PKP4: variants seen among roughly 807,000 people sequenced by gnomAD.
PKP4 encodes the protein plakophilin-4.
A neutral mutation model predicts 145.1 loss-of-function variants in PKP4; 90 were observed. That is an observed-to-expected ratio of 0.62 (90% CI 0.52 to 0.74). PKP4 has a LOEUF of 0.74. Ranked by LOEUF, PKP4 falls within the 30% of genes least tolerant of loss-of-function variation. The pLI is 0.00. For synonymous variants in PKP4, 563 were observed against 577.2 expected, an observed-to-expected ratio of 0.98 and a Z score of 0.35; for missense variants, 1,340 against 1,482.7, an observed-to-expected ratio of 0.90 and a Z score of 1.58.
chr2:158,662,860 C>A lies in PKP4; in HGVS notation c.2212-37C>A, dbSNP rs774663464. The A allele has an allele frequency of 3.9e-6, 6 of 1,548,470 alleles. No homozygotes were observed. The East Asian group carries it at 1.1e-4, about 29-fold the overall frequency. On this transcript the variant is annotated intron_variant, in intron 13 of 21. Transcript: ENST00000389759. Reference sequence around the variant, plus strand: ...ACAGAAGTGTTTTGCTCTAATGTGCCGAGTTGTTTTTAATTATACGCCATG... The same window carrying A: ...ACAGAAGTGTTTTGCTCTAATGTGCAGAGTTGTTTTTAATTATACGCCATG...
At chr2:158,631,578 G>A (rs1203008714) in intron 7 of PKP4, among the ~76,000 whole-genome samples, 175 bp from the exon 8 acceptor site, 1 of 151,482 alleles carries the variant, frequency 6.6e-6, no homozygotes, top group Admixed American at 6.6e-5. Flanking sequence ...TTTTTGTAGA[G>A]ATGGGGTCTC....
chr2:158,604,126 G>T lies in PKP4; in HGVS notation c.280+1022G>T, dbSNP rs6712146. 6.2e-3 allele frequency among the ~76,000 whole-genome samples: 948 copies of T among 152,336 alleles called. 14 individuals carry two copies. Among genetic ancestry groups the T allele is most frequent in the African/African-American group, 0.022 (904 of 41,574 alleles). On this transcript the variant is annotated intron_variant, in intron 4 of 21. Coordinates refer to ENST00000389759, the MANE Select transcript of PKP4 (RefSeq NM_003628.6). ...GAAATAATATGTGGTTAACTGCCAA[G>T]TAAGTATTATGTGGGAAATACTGAT...
At chr2:158,543,323 A>G (rs2105669801) in intron 2 of PKP4, among the ~76,000 whole-genome samples, 1 of 152,292 alleles carries the variant, frequency 6.6e-6, no homozygotes. Flanking sequence ...AATGTGTTTT[A>G]GATATGCACA....
chr2:158,514,553 T>C (rs1353000747), intron 1 of PKP4, among the ~76,000 whole-genome samples: 1 of 152,228 alleles, frequency 6.6e-6, no homozygotes. Context: ...AAAGAAAGGA[T>C]GTTATCACAA....
intron 2 of PKP4, among the ~76,000 whole-genome samples, chr2:158,553,263 C>T (rs2045791007): frequency 6.6e-6 from 1 of 152,150 alleles, no homozygotes; most frequent in Admixed American, 6.5e-5. Context: ...AGGAGATTCA[C>T]TTTTAGGAAA....
intron 1 of PKP4, among the ~76,000 whole-genome samples, chr2:158,470,969 T>G (rs1457686468): frequency 6.6e-6 from 1 of 152,100 alleles, no homozygotes; most frequent in African/African-American, 2.4e-5. Context: ...GAATGAAAAT[T>G]TCTGAGAGTA....
Position 158,532,062 on chromosome 2 carries a change from T to A in PKP4, c.-5-1118T>A, listed in dbSNP as rs539448945. On this transcript the variant is annotated intron_variant, in intron 1 of 21. Transcript: ENST00000389759. Reference sequence around the variant, plus strand: ...TACATCTCCCCTTTTACTTACGGATTATTATTTTGGAAACAGAAGACTGAT... The same window carrying A: ...TACATCTCCCCTTTTACTTACGGATAATTATTTTGGAAACAGAAGACTGAT... 3.9e-5 allele frequency among the ~76,000 whole-genome samples: 6 copies of A among 152,296 alleles called. No individual in the cohort carries two copies. In the South Asian group the frequency reaches 1.2e-3, roughly 32 times the overall value.
At chr2:158,506,431 T>C (rs1262618233) in intron 1 of PKP4, among the ~76,000 whole-genome samples, 1 of 152,232 alleles carries the variant, frequency 6.6e-6, no homozygotes, top group Non-Finnish European at 1.5e-5. Context: ...GTCCTTCTCA[T>C]TTCTAAAGTT....
At chr2:158,671,877 A>C (rs1219166470) in intron 17 of PKP4, among the ~76,000 whole-genome samples, 1 of 152,252 alleles carries the variant, frequency 6.6e-6, no homozygotes, top group Non-Finnish European at 1.5e-5. Flanking sequence ...TTGCAGAGAC[A>C]GTGCCTTTTG....
chr2:158,524,465 AAG>A (rs1407246135), intron 1 of PKP4, among the ~76,000 whole-genome samples: 2 of 125,202 alleles, frequency 1.6e-5, no homozygotes, highest in African/African-American at 6.2e-5. Flanking sequence ...CCAGCCCTAA[AAG>A]AGCTCCTGAA....
chr2:158,665,649 G>A lies in PKP4; in HGVS notation c.2578-764G>A, dbSNP rs144179854. ...AAGCTGGAAACAAGATTAAAGAACC[G>A]TTTTCTAACGTTACTCTTTTTGGTT... On this transcript the variant is annotated intron_variant, in intron 15 of 21. Transcript: ENST00000389759. Among the ~76,000 whole-genome samples, 432 of 152,188 alleles carry A rather than the reference G, an allele frequency of 2.8e-3. 2 individuals are homozygous for A. Among genetic ancestry groups the A allele is most frequent in the African/African-American group, 0.01 (420 of 41,540 alleles).
Position 158,616,076 on chromosome 2 carries a change from A to C in PKP4, c.281-4914A>C, listed in dbSNP as rs1160806789. ...TATAGTAGCTTATATTTGAATCAACAAACTCCAAGTATGTGTAATATTCTT... is the reference window on the plus strand; with the variant it reads ...TATAGTAGCTTATATTTGAATCAACCAACTCCAAGTATGTGTAATATTCTT... On this transcript the variant is annotated intron_variant, in intron 4 of 21. Coordinates refer to ENST00000389759, the MANE Select transcript of PKP4 (RefSeq NM_003628.6). Among the ~76,000 whole-genome samples the C allele has an allele frequency of 3.9e-5, 6 of 152,306 alleles. No homozygotes were observed. In the East Asian group the frequency reaches 9.6e-4, roughly 24 times the overall value.
intron 1 of PKP4, among the ~76,000 whole-genome samples, chr2:158,484,089 C>T (rs922207078): frequency 4.1e-5 from 6 of 146,132 alleles, no homozygotes; most frequent in Admixed American, 7.0e-5. Flanking sequence ...GGCCGGACTG[C>T]GGACTGCAGT....
chr2:158,528,888 C>T (rs193227511), intron 1 of PKP4, among the ~76,000 whole-genome samples: 1 of 152,280 alleles, frequency 6.6e-6, no homozygotes, highest in African/African-American at 2.4e-5. Context: ...TTTCAGGTGG[C>T]TGATACAGAG....
At chr2:158,639,435 T>A (rs2054095034) in intron 9 of PKP4, among the ~76,000 whole-genome samples, 1 of 152,108 alleles carries the variant, frequency 6.6e-6, no homozygotes, top group African/African-American at 2.4e-5. Context: ...ACTTCCCAGA[T>A]CAAGAGAGAC....
intron 4 of PKP4, among the ~76,000 whole-genome samples, chr2:158,605,612 T>C (rs2050592934): frequency 6.6e-6 from 1 of 152,182 alleles, no homozygotes; most frequent in South Asian, 2.1e-4. Flanking sequence ...ATGTATAATA[T>C]ACAAATTTCT....
intron 1 of PKP4, among the ~76,000 whole-genome samples, chr2:158,465,584 C>T (rs1690484777): frequency 6.6e-6 from 1 of 152,058 alleles, no homozygotes; most frequent in Non-Finnish European, 1.5e-5. Context: ...CTTTTATTCT[C>T]TATGTAATTT....
rs186844679 is a variant in PKP4, at chr2:158,540,067, A to G, written c.132+6751A>G. ...AAATTAGACTGCCAAGAGGTAGCTAACAACAAGCATATGCATTTGGCTACC... is the reference window on the plus strand; with the variant it reads ...AAATTAGACTGCCAAGAGGTAGCTAGCAACAAGCATATGCATTTGGCTACC... On this transcript the variant is annotated intron_variant, in intron 2 of 21. Transcript: ENST00000389759. Among the ~76,000 whole-genome samples the G allele has an allele frequency of 1.4e-3, 211 of 152,334 alleles. 1 individual carries two copies. The highest frequency in any genetic ancestry group is 6.8e-3 in the South Asian group (33 of 4,828).
At chr2:158,663,669 T>G (rs2056820855) in intron 15 of PKP4, among the ~76,000 whole-genome samples, 1 of 151,934 alleles carries the variant, frequency 6.6e-6, no homozygotes, top group Admixed American at 6.6e-5. Flanking sequence ...AGAAGGCTAG[T>G]GAGAAAAACA....
Sources: gnomAD v4.1 joint callset for allele counts (sites outside exome capture counted in the v4.1 genomes callset) on GRCh38, gnomAD v4.1.1 for gene constraint, MANE v1.5 for transcripts, NCBI Gene and HGNC (gene_info 2026-07-23, HGNC 2026-07-21) for gene names.